Variants in BRDT observed in about 807,000 individuals in gnomAD.
BRDT encodes the protein bromodomain testis-specific protein.
A neutral mutation model predicts 113.9 loss-of-function variants in BRDT; 77 were observed. The ratio of observed to expected loss-of-function variants is 0.68; its 90% confidence interval spans 0.56 to 0.82. BRDT has a LOEUF of 0.82. BRDT is among the 40% of genes least tolerant of loss of function. BRDT has a pLI of 0.00. For synonymous variants in BRDT, 358 were observed against 366.5 expected (o/e 0.98, Z 0.26); for missense variants, 1,027 against 1,105.4 (o/e 0.93, Z 1.01).
Position 91,976,151 on chromosome 1 carries a change from T to C in BRDT, c.446-115T>C, listed in dbSNP as rs111707865. Reference sequence around the variant, plus strand: ...TGTGTAGATTTCAAAATGAAATAAGTATCCTATGCTTATATTGCTAAAAAG... The same window carrying C: ...TGTGTAGATTTCAAAATGAAATAAGCATCCTATGCTTATATTGCTAAAAAG... On this transcript the variant is annotated intron_variant, in intron 4 of 18. Coordinates refer to ENST00000399546, the MANE Select transcript of BRDT (RefSeq NM_207189.4). 681 of 997,928 alleles carry C rather than the reference T, an allele frequency of 6.8e-4. 6 individuals carry two copies. The African/African-American group carries it at 0.01, about 15-fold the overall frequency. 61.8% of individuals were successfully genotyped at this position (997,928 alleles called of 1,614,324 possible).
At chr1:91,967,797 T>C (rs955635470) in intron 3 of BRDT, among the ~76,000 whole-genome samples, 1 of 152,102 alleles carries the variant, frequency 6.6e-6, no homozygotes, top group Non-Finnish European at 1.5e-5. Flanking sequence ...CCTCCAAAAG[T>C]GCTGGGATTA....
intron 1 of BRDT, among the ~76,000 whole-genome samples, chr1:91,951,758 AGT>A (rs1681112191): frequency 6.6e-6 from 1 of 152,148 alleles, no homozygotes; most frequent in African/African-American, 2.4e-5. Context: ...TGGGCGACAG[AGT>A]GAGACTCCAA....
intron 5 of BRDT, 82 bp from the exon 6 acceptor site, chr1:91,976,961 C>CTTTTT: frequency 2.7e-6 from 3 of 1,129,692 alleles, no homozygotes; most frequent in South Asian, 1.9e-5. Flanking sequence ...TAATCTTTCC[C>CTTTTT]TTTTTTTCTT....
At chr1:91,986,981 A>G (rs1340124529) in intron 12 of BRDT, among the ~76,000 whole-genome samples, 1 of 151,836 alleles carries the variant, frequency 6.6e-6, no homozygotes, top group East Asian at 1.9e-4. Flanking sequence ...ACTGTTGCCA[A>G]GGCTGGAGGG....
At chr1:92,002,184 A>T (rs72954738) in intron 16 of BRDT, 35 bp downstream of exon 16, 1 of 1,473,978 alleles carries the variant, frequency 6.8e-7, no homozygotes. Flanking sequence ...CAAATCTTGA[A>T]GGGATTTGAA....
At position 91,978,149 on chromosome 1, in the gene BRDT, T is replaced by C; in HGVS notation, c.970-19T>C. 1.2e-6 allele frequency: 2 copies of C among 1,601,020 alleles called. No homozygotes were observed. Among genetic ancestry groups the C allele is most frequent in the Non-Finnish European group, 1.7e-6 (2 of 1,169,658 alleles). On this transcript the variant is annotated intron_variant, in intron 6 of 18. Coordinates refer to ENST00000399546, the MANE Select transcript of BRDT (RefSeq NM_207189.4). Reference sequence around the variant, plus strand: ...TGAATTGAACTATTTGTGAATCCTGTAGTTTTTCTTTAATTTAGGAGAAAA... The same window carrying C: ...TGAATTGAACTATTTGTGAATCCTGCAGTTTTTCTTTAATTTAGGAGAAAA...
At chr1:91,957,238 A>G (rs1475709240) in intron 1 of BRDT, among the ~76,000 whole-genome samples, 1 of 152,226 alleles carries the variant, frequency 6.6e-6, no homozygotes, top group East Asian at 1.9e-4. Flanking sequence ...TCATGCCTGT[A>G]ATCCCAGTAC....
rs550727893 is a variant in BRDT at position 91,964,154 on chromosome 1, A to G, written c.193-473A>G. Among the ~76,000 whole-genome samples the G allele has an allele frequency of 3.6e-3, 544 of 152,112 alleles. 7 individuals are homozygous for G. Among genetic ancestry groups the G allele is most frequent in the Non-Finnish European group, 4.7e-3 (318 of 67,984 alleles). On this transcript the variant is annotated intron_variant, in intron 2 of 18. Coordinates refer to ENST00000399546, the MANE Select transcript of BRDT (RefSeq NM_207189.4). ...TGGCTCACTGCAACCTCTGCCTCCC[A>G]GGTTTGAGTGATTCTCCTGCCTCAA...
At chr1:92,013,236 TAA>T (rs543892272) in intron 18 of BRDT, among the ~76,000 whole-genome samples, 1 of 150,892 alleles carries the variant, frequency 6.6e-6, no homozygotes, top group Non-Finnish European at 1.5e-5. Context: ...AAAAAAAGAT[TAA>T]AAAAAATGTA....
rs530472660 is a variant in BRDT, at chr1:91,998,967, T to C, written c.2288-3082T>C. Among the ~76,000 whole-genome samples the C allele has an allele frequency of 9.2e-5, 14 of 152,292 alleles. No homozygotes were observed. In the South Asian group the frequency reaches 1.2e-3, roughly 14 times the overall value. On this transcript the variant is annotated intron_variant, in intron 15 of 18. Transcript: ENST00000399546. ...CCTTTAGATACTTTGGACTTAATTA[T>C]AATAGCATAGTCAGTGGGGAGGCAA...
At position 91,981,752 on chromosome 1, in the gene BRDT, T is replaced by A; in HGVS notation, c.1999T>A (p.Ser667Thr). 1 of 1,612,960 alleles carries A rather than the reference T, an allele frequency of 6.2e-7. No individual in the cohort carries two copies. Among genetic ancestry groups the A allele is most frequent in the Non-Finnish European group, 8.5e-7 (1 of 1,179,412 alleles). ...LSSSDSSDSE[S>T]EMFPKFTEVK... ...CTCTTCAGACAGCAGTGATTCTGAATCAGGTTAGCTGTCCCCTTAAATGTA... is the reference window on the plus strand; with the variant it reads ...CTCTTCAGACAGCAGTGATTCTGAAACAGGTTAGCTGTCCCCTTAAATGTA... The change falls in exon 12 of 19, where the codon TCA (serine) becomes ACA (threonine). Residue 667 changes from serine (S) to threonine (T), a missense_variant. Transcript: ENST00000399546.
Position 91,964,780 on chromosome 1 carries a change from GTTATAC to G in BRDT, c.330+19_330+24del, listed in dbSNP as rs1570462019. 7.1e-7 allele frequency: 1 copy of G among 1,399,240 alleles called. No homozygotes were observed. 86.7% of individuals were successfully genotyped at this position (1,399,240 alleles called of 1,614,324 possible). On this transcript the variant is annotated intron_variant, in intron 3 of 18. Coordinates refer to ENST00000399546, the MANE Select transcript of BRDT (RefSeq NM_207189.4). ...ATATAACAAGGTATGTAAGCCTTAT[GTTATAC>G]TTGCTAATTCTTTGCCATTACATAT...
rs1386891308 is a variant in BRDT, at chr1:91,976,396, A to T, written c.576A>T (p.Val192=). 1 of 1,605,074 alleles carries T rather than the reference A, an allele frequency of 6.2e-7. No individual in the cohort carries two copies. Residue 192 remains valine (V), a synonymous_variant, in exon 5 of 19, where the codon GTA becomes GTT. Transcript: ENST00000399546. ...CATCTATTTCTCCCTTGAACGTGGT[A>T]CAGGGAGCTTCAGTCAACTCCAGTT... ...PKTSISPLNV[V]QGASVNSSSQ...
chr1:91,984,532 A>G (rs1685021146), intron 12 of BRDT, among the ~76,000 whole-genome samples: 1 of 152,256 alleles, frequency 6.6e-6, no homozygotes, highest in Non-Finnish European at 1.5e-5. Context: ...AGAAAATTTA[A>G]TTTATGAAAA....
In BRDT at chr1:91,985,121, G is replaced by A. The variant is rs181053147; in HGVS notation, c.2002+3366G>A. 1.5e-4 allele frequency among the ~76,000 whole-genome samples: 23 copies of A among 152,086 alleles called. No individual in the cohort carries two copies. The East Asian group carries it at 1.9e-3, about 13-fold the overall frequency. ...TTTTGAGACGGAGTCTCACTCTGTC[G>A]CCCAGGCTGGGGTGCAGTGGCACAA... On this transcript the variant is annotated intron_variant, in intron 12 of 18. Transcript: ENST00000399546.
intron 3 of BRDT, 106 bp from the exon 4 acceptor site, chr1:91,968,040 T>A: frequency 1.8e-6 from 2 of 1,107,422 alleles, no homozygotes; most frequent in Non-Finnish European, 2.6e-6. Flanking sequence ...ATGAATACCG[T>A]CTAGGAGTAC....
intron 4 of BRDT, among the ~76,000 whole-genome samples, chr1:91,972,201 G>GT (rs765913770): frequency 6.6e-6 from 1 of 152,048 alleles, no homozygotes; most frequent in Non-Finnish European, 1.5e-5. Flanking sequence ...GGAAACTACT[G>GT]TGTCTTTCTT....
At chr1:91,984,626 GAA>G (rs1349572431) in intron 12 of BRDT, among the ~76,000 whole-genome samples, 1 of 152,030 alleles carries the variant, frequency 6.6e-6, no homozygotes, top group Non-Finnish European at 1.5e-5. Flanking sequence ...ATATAAATAT[GAA>G]AAAATAATTA....
In BRDT at chr1:91,977,171, G is replaced by A. The variant is rs374042055; in HGVS notation, c.747G>A (p.Met249Ile). 1 of 1,613,990 alleles carries A rather than the reference G, an allele frequency of 6.2e-7. No homozygotes were observed. The highest frequency in any genetic ancestry group is 8.5e-7 in the Non-Finnish European group (1 of 1,179,962). The stretch of plus-strand genomic sequence containing the variant: ...CACTGCCACCTATAAAAGAAAATAT[G>A]CCAAAGAATGTTTTGCCAGATTCTC... ...SVALPPIKEN[M>I]PKNVLPDSQQ... is the part of the protein sequence containing the mutation. The change falls in exon 6 of 19, where the codon ATG becomes ATA. Residue 249 changes from methionine (M) to isoleucine (I), a missense_variant. Coordinates refer to ENST00000399546, the MANE Select transcript of BRDT (RefSeq NM_207189.4).
Sources: allele counts gnomAD v4.1 joint callset (sites outside exome capture counted in the v4.1 genomes callset), GRCh38; gene constraint gnomAD v4.1.1; transcripts MANE v1.5; gene names NCBI Gene and HGNC (gene_info 2026-07-23, HGNC 2026-07-21).